Variants in PYHIN1 observed in about 807,000 individuals in gnomAD.
PYHIN1 encodes pyrin and HIN domain family member 1.
PYHIN1 carries 32 observed loss-of-function variants against 43.7 expected under a neutral mutation model. The ratio of observed to expected loss-of-function variants is 0.73; its 90% CI spans 0.55 to 0.98. The LOEUF (loss-of-function observed/expected upper bound fraction) is 0.98. Ranked by LOEUF, PYHIN1 falls within the 50% of genes least tolerant of loss-of-function variation. PYHIN1 has a pLI of 0.00. For synonymous variants in PYHIN1, 205 were observed against 203.1 expected (o/e 1.01, Z -0.08); for missense variants, 588 against 589.5 (o/e 1.00, Z 0.03).
At chr1:158,948,129 G>T (rs1649326830) in intron 7 of PYHIN1, among the ~76,000 whole-genome samples, 2 of 152,184 alleles carry the variant, frequency 1.3e-5, no homozygotes, top group South Asian at 2.1e-4. Flanking sequence ...AGTCTGTTGG[G>T]TGGGGCGGTC....
At chr1:158,952,108 GTTTT>G (rs35079460) in intron 7 of PYHIN1, among the ~76,000 whole-genome samples, 2 of 118,156 alleles carry the variant, frequency 1.7e-5, no homozygotes, top group Non-Finnish European at 3.5e-5. Context: ...GCCTGTGTCG[GTTTT>G]TTTTTTTTTT....
chr1:158,943,768 T>A, intron 5 of PYHIN1, 22 bp from the exon 6 acceptor site: 1 of 1,572,840 alleles, frequency 6.4e-7, no homozygotes, highest in East Asian at 2.3e-5. Flanking sequence ...CTCACAAACA[T>A]GATATTAATT....
chr1:158,981,459 G>T (rs371690389), downstream of PYHIN1, among the ~76,000 whole-genome samples: 2 of 152,150 alleles, frequency 1.3e-5, no homozygotes, highest in Non-Finnish European at 1.5e-5. Flanking sequence ...GGACAAGAGC[G>T]AGACTCTGAA....
intron 7 of PYHIN1, among the ~76,000 whole-genome samples, chr1:158,968,645 A>G (rs142978257): frequency 3.9e-5 from 6 of 152,206 alleles, no homozygotes; most frequent in African/African-American, 1.4e-4. Context: ...ACATGCATGC[A>G]TATGTTCATT....
the PYHIN1 span, among the ~76,000 whole-genome samples, chr1:158,989,553 T>C: frequency 2.0e-5 from 3 of 152,184 alleles, no homozygotes; most frequent in Non-Finnish European, 4.4e-5. Context: ...CAGAGGCATA[T>C]TTACAAGTGG....
intron 7 of PYHIN1, among the ~76,000 whole-genome samples, chr1:158,954,508 A>G (rs936635915): frequency 6.6e-6 from 1 of 151,326 alleles, no homozygotes; most frequent in African/African-American, 2.4e-5. Context: ...ATTAAGCTTC[A>G]TAAGTGAAGG....
At chr1:158,955,566 C>T (rs1432054149) in intron 7 of PYHIN1, among the ~76,000 whole-genome samples, 1 of 149,400 alleles carries the variant, frequency 6.7e-6, no homozygotes, top group East Asian at 2.0e-4. Context: ...AGAACAAAGA[C>T]ACAACATACC....
intron 7 of PYHIN1, among the ~76,000 whole-genome samples, chr1:158,958,797 A>G (rs1035872579): frequency 4.0e-5 from 6 of 150,302 alleles, no homozygotes; most frequent in Non-Finnish European, 8.9e-5. Flanking sequence ...AAAAAAAAAA[A>G]AAGATTTCTC....
downstream of PYHIN1, among the ~76,000 whole-genome samples, chr1:158,979,949 T>C (rs901403537): frequency 6.6e-6 from 1 of 152,170 alleles, no homozygotes; most frequent in Non-Finnish European, 1.5e-5. Context: ...GTGTACTCAA[T>C]GTTTAGCTCC....
At chr1:158,946,146 G>T (rs1649207523) in intron 7 of PYHIN1, among the ~76,000 whole-genome samples, 1 of 152,142 alleles carries the variant, frequency 6.6e-6, no homozygotes, top group Admixed American at 6.5e-5. Context: ...GCTCTGCAGG[G>T]CTTCTCAAAA....
At chr1:158,942,526 C>G (rs1299846982) in intron 5 of PYHIN1, 127 bp downstream of exon 5, 1 of 691,876 alleles carries the variant, frequency 1.4e-6, no homozygotes, top group African/African-American at 1.8e-5. Context: ...AAACTACTGA[C>G]AAGTAGATAA....
At chr1:158,953,474 C>A (rs373691590) in intron 7 of PYHIN1, among the ~76,000 whole-genome samples, 15,941 of 149,844 alleles carry the variant, frequency 0.11, 1,308 homozygotes, top group African/African-American at 0.22. Context: ...CTGGGAGGCA[C>A]CCCCCAGCAG....
intron 6 of PYHIN1, among the ~76,000 whole-genome samples, 194 bp from the exon 7 acceptor site, chr1:158,944,681 G>A (rs184289057): frequency 3.9e-3 from 595 of 152,202 alleles, no homozygotes; most frequent in Non-Finnish European, 4.1e-3. Flanking sequence ...ATTTTACTAA[G>A]AATGTTAGAT....
intron 7 of PYHIN1, among the ~76,000 whole-genome samples, chr1:158,964,781 A>G (rs1650528983): frequency 2.0e-5 from 3 of 152,242 alleles, no homozygotes; most frequent in African/African-American, 7.2e-5. Flanking sequence ...CACTACAGAA[A>G]CACAATTAAG....
At chr1:158,977,955 T>C (rs1348840578), downstream of PYHIN1, among the ~76,000 whole-genome samples, 1 of 152,078 alleles carries the variant, frequency 6.6e-6, no homozygotes, top group African/African-American at 2.4e-5. Flanking sequence ...ACTCTCACCC[T>C]TAAAATTATG....
chr1:158,932,708 A>G lies in PYHIN1; in HGVS notation c.-21+932A>G, dbSNP rs541984334. On this transcript the variant is annotated intron_variant, in intron 1 of 8. Transcript: ENST00000368140. ...ATAATTCAAATAATTCAAATGTGTC[A>G]ATATTTTCATAAGTATGTTTAACTT... 1.5e-4 allele frequency among the ~76,000 whole-genome samples: 23 copies of G among 152,344 alleles called. No individual in the cohort carries two copies. In the South Asian group the frequency reaches 4.6e-3, roughly 30 times the overall value.
chr1:158,970,953 T>C (rs1650900169), intron 7 of PYHIN1, among the ~76,000 whole-genome samples: 3 of 152,206 alleles, frequency 2.0e-5, no homozygotes, highest in Non-Finnish European at 4.4e-5. Context: ...TAGTATTAGT[T>C]GAAAGATTCA....
At chr1:158,934,927 A>C (rs1002632056) in intron 1 of PYHIN1, among the ~76,000 whole-genome samples, 2 of 152,088 alleles carry the variant, frequency 1.3e-5, no homozygotes, top group Non-Finnish European at 2.9e-5. Flanking sequence ...ACGGGGTTTC[A>C]CCATGTTGGC....
intron 1 of PYHIN1, among the ~76,000 whole-genome samples, chr1:158,932,084 A>T (rs1648196996): frequency 6.6e-6 from 1 of 152,204 alleles, no homozygotes; most frequent in Non-Finnish European, 1.5e-5. Context: ...CTTGGTGGCC[A>T]TTGGGGTCTG....
Sources: gnomAD v4.1 joint callset for allele counts (sites outside exome capture counted in the v4.1 genomes callset) on GRCh38, gnomAD v4.1.1 for gene constraint, MANE v1.5 for transcripts, NCBI Gene and HGNC (gene_info 2026-07-23, HGNC 2026-07-21) for gene names.